Variants in LMNTD1 observed in about 807,000 individuals in gnomAD.
LMNTD1 encodes the protein lamin tail domain containing 1.
A neutral mutation model predicts 50.9 loss-of-function variants in LMNTD1; 35 were observed. The ratio of observed to expected loss-of-function variants is 0.69; its 90% CI spans 0.53 to 0.91. The LOEUF is 0.91. LMNTD1 is among the 40% of genes least tolerant of loss of function. The pLI is 0.00. For synonymous variants in LMNTD1, 153 were observed against 161.9 expected (o/e 0.94, Z 0.42); for missense variants, 470 against 475.5 (o/e 0.99, Z 0.11).
intron 9 of LMNTD1, among the ~76,000 whole-genome samples, chr12:25,480,789 C>G (rs952047020): frequency 1.3e-5 from 2 of 152,142 alleles, no homozygotes; most frequent in Non-Finnish European, 2.9e-5. Flanking sequence ...AATTTGAAAT[C>G]CACAGATAAC....
rs534925365 is a variant in LMNTD1 at position 25,570,800 on chromosome 12, G to A, written c.59-24246C>T. On this transcript the variant is annotated intron_variant, in intron 1 of 7. Coordinates refer to the LMNTD1 transcript ENST00000445693. ...GCTAGCCCACTCCATTCTTTGGTTG[G>A]TGGCTCTAGAGGCAATCTCTTTAAA... Among the ~76,000 whole-genome samples, 7 of 152,308 alleles carry A rather than the reference G, an allele frequency of 4.6e-5. No individual in the cohort carries two copies. The East Asian group carries it at 1.3e-3, about 29-fold the overall frequency.
At chr12:25,553,378 GCTGT>G (rs1471725728), upstream of LMNTD1, 8 of 604,292 alleles carry the variant, frequency 1.3e-5, no homozygotes, top group African/African-American at 1.9e-5. Context: ...CTATGTTGAT[GCTGT>G]ACCTTCTTTG....
At chr12:25,547,107 A>G (rs1943478906) in intron 3 of LMNTD1, 1 of 307,066 alleles carries the variant, frequency 3.3e-6, no homozygotes, top group Non-Finnish European at 4.8e-6. Flanking sequence ...GTCCTATTAG[A>G]AGTTTGCTCT....
chr12:25,547,376 C>T (rs547867136), intron 3 of LMNTD1: 1 of 153,424 alleles, frequency 6.5e-6, no homozygotes, highest in South Asian at 2.1e-4. Context: ...AAGATACCAT[C>T]ACCACCTTGT....
At chr12:25,587,808 C>A (rs930806296) in intron 1 of LMNTD1, among the ~76,000 whole-genome samples, 6 of 152,110 alleles carry the variant, frequency 3.9e-5, no homozygotes, top group Non-Finnish European at 7.4e-5. Context: ...GTTTGTTGAA[C>A]TGAAGTAATA....
intron 9 of LMNTD1, among the ~76,000 whole-genome samples, chr12:25,479,254 C>A (rs1272311604): frequency 1.3e-5 from 2 of 152,122 alleles, no homozygotes; most frequent in Non-Finnish European, 2.9e-5. Context: ...ACTAAGACCT[C>A]TAGACTAGCA....
intron 3 of LMNTD1, 75 bp downstream of exon 3, chr12:25,549,249 TGA>T: frequency 1.4e-6 from 1 of 739,480 alleles, no homozygotes; most frequent in Non-Finnish European, 2.2e-6. Context: ...TCATTCTGAC[TGA>T]GAGTCATATA....
chr12:25,477,937 T>C (rs1281670264), intron 9 of LMNTD1, among the ~76,000 whole-genome samples: 8 of 152,222 alleles, frequency 5.3e-5, no homozygotes, highest in Non-Finnish European at 7.4e-5. Context: ...ACTGAAGAAC[T>C]TGGAGTCCGA....
At chr12:25,556,641 C>T (rs1278915094), upstream of LMNTD1, among the ~76,000 whole-genome samples, 1 of 152,188 alleles carries the variant, frequency 6.6e-6, no homozygotes, top group African/African-American at 2.4e-5. Context: ...TGGGAAAGTA[C>T]GAGAATTTTG....
intron 1 of LMNTD1, among the ~76,000 whole-genome samples, chr12:25,632,884 G>T (rs889956228): frequency 3.3e-5 from 5 of 152,176 alleles, no homozygotes; most frequent in South Asian, 2.1e-4. Context: ...CTACAGAATG[G>T]ATAAGAACTC....
chr12:25,594,563 T>A (rs996519418), intron 1 of LMNTD1, among the ~76,000 whole-genome samples: 19 of 142,008 alleles, frequency 1.3e-4, no homozygotes, highest in African/African-American at 4.7e-4. Flanking sequence ...CTTAAAAAAA[T>A]CTCTAAATCT....
chr12:25,527,681 TACACACACACACACACACAC>T (rs376707066), intron 4 of LMNTD1, among the ~76,000 whole-genome samples: 22 of 32,330 alleles, frequency 6.8e-4, no homozygotes, highest in African/African-American at 2.5e-3. Context: ...TATATATATA[TACACACACACACACACACAC>T]ACACACACAC....
intron 1 of LMNTD1, among the ~76,000 whole-genome samples, chr12:25,619,379 T>C (rs1270913920): frequency 6.6e-6 from 1 of 152,106 alleles, no homozygotes; most frequent in Non-Finnish European, 1.5e-5. Flanking sequence ...AAAAGTTCTA[T>C]ACGCAAAACA....
At chr12:25,623,418 G>A (rs1444290873) in intron 1 of LMNTD1, among the ~76,000 whole-genome samples, 1 of 151,788 alleles carries the variant, frequency 6.6e-6, no homozygotes, top group Non-Finnish European at 1.5e-5. Context: ...GCTGGGCATG[G>A]TGGCATGCAC....
chr12:25,489,170 CCGG>C (rs1232107361), intron 9 of LMNTD1, among the ~76,000 whole-genome samples: 2 of 152,134 alleles, frequency 1.3e-5, no homozygotes, highest in African/African-American at 4.8e-5. Flanking sequence ...TTCGAGCTTC[CCGG>C]CTGCTTTGTT....
intron 2 of LMNTD1, among the ~76,000 whole-genome samples, chr12:25,551,004 G>A (rs1054946757): frequency 6.6e-6 from 1 of 152,158 alleles, no homozygotes; most frequent in Non-Finnish European, 1.5e-5. Context: ...ATACACTATT[G>A]AGTATGACCG....
At chr12:25,520,984 T>C (rs1003899132) in intron 6 of LMNTD1, among the ~76,000 whole-genome samples, 5 of 152,248 alleles carry the variant, frequency 3.3e-5, no homozygotes, top group Admixed American at 2.6e-4. Flanking sequence ...TTTTAATGTA[T>C]CTGTTGGCCA....
intron 4 of LMNTD1, among the ~76,000 whole-genome samples, chr12:25,535,412 G>A (rs61924659): frequency 0.62 from 93,742 of 150,964 alleles, 30,331 homozygotes; most frequent in Non-Finnish European, 0.71. Flanking sequence ...AGAAATAATG[G>A]TAAAAATTTT....
chr12:25,558,383 C>T (rs1344580839), intron 1 of LMNTD1, among the ~76,000 whole-genome samples: 2 of 152,032 alleles, frequency 1.3e-5, no homozygotes, highest in Non-Finnish European at 2.9e-5. Context: ...TGAAATTTTT[C>T]TTCTTTTTTG....
Sources: allele counts gnomAD v4.1 joint callset (sites outside exome capture counted in the v4.1 genomes callset), GRCh38; gene constraint gnomAD v4.1.1; transcripts MANE v1.5; gene names NCBI Gene and HGNC (gene_info 2026-07-23, HGNC 2026-07-21).